The following GPR158 variants were observed in gnomAD, a reference collection of about 807,000 sequenced individuals.
The protein encoded by GPR158 is G protein-coupled receptor 158.
In GPR158, 30 loss-of-function variants were observed where a neutral mutation model predicts 78.2. That is an observed-to-expected ratio of 0.38 (90% confidence interval 0.29 to 0.52). The LOEUF is 0.52. GPR158 is among the 20% of genes least tolerant of loss of function. The pLI, the probability that GPR158 is intolerant of heterozygous loss-of-function variation, is 0.83. For synonymous variants in GPR158, 581 were observed against 591.1 expected, an observed-to-expected ratio of 0.98 and a Z score of 0.25; for missense variants, 1,463 against 1,523.5, an observed-to-expected ratio of 0.96 and a Z score of 0.66.
intron 5 of GPR158, among the ~76,000 whole-genome samples, chr10:25,470,857 C>CT (rs1286144066): frequency 3.9e-5 from 6 of 151,970 alleles, no homozygotes; most frequent in African/African-American, 9.7e-5. Flanking sequence ...CTACTATAAT[C>CT]TTTTTTTTGA....
chr10:25,338,521 G>A (rs528420848), intron 2 of GPR158, among the ~76,000 whole-genome samples: 20 of 85,606 alleles, frequency 2.3e-4, no homozygotes, highest in African/African-American at 5.7e-4. Context: ...TATAATATAC[G>A]TATATTACGT....
At chr10:25,595,904 A>T (rs1231061201) in intron 9 of GPR158, among the ~76,000 whole-genome samples, 2 of 152,232 alleles carry the variant, frequency 1.3e-5, no homozygotes, top group Non-Finnish European at 2.9e-5. Flanking sequence ...ATTCTATCTC[A>T]ATAAAAAGAG....
At chr10:25,445,349 G>A (rs1835126684) in intron 4 of GPR158, among the ~76,000 whole-genome samples, 1 of 152,160 alleles carries the variant, frequency 6.6e-6, no homozygotes, top group Non-Finnish European at 1.5e-5. Flanking sequence ...TTCAAAGAAA[G>A]TCACTGGCTG....
chr10:25,305,310 C>T (rs1468602612), intron 2 of GPR158, among the ~76,000 whole-genome samples: 1 of 152,142 alleles, frequency 6.6e-6, no homozygotes, highest in East Asian at 1.9e-4. Flanking sequence ...TTCAGTAGTT[C>T]ATTCATCAGT....
chr10:25,366,478 A>G (rs1316235676), intron 2 of GPR158, among the ~76,000 whole-genome samples: 4 of 151,700 alleles, frequency 2.6e-5, no homozygotes, highest in African/African-American at 4.8e-5. Context: ...GGTTTACAAC[A>G]TGGTATTTTG....
intron 4 of GPR158, among the ~76,000 whole-genome samples, chr10:25,419,169 C>G (rs1834711726): frequency 6.6e-6 from 1 of 151,882 alleles, no homozygotes; most frequent in African/African-American, 2.4e-5. Flanking sequence ...TTTTTCTATC[C>G]CTTGGTAACC....
intron 2 of GPR158, among the ~76,000 whole-genome samples, chr10:25,347,360 A>C (rs1290393023): frequency 6.6e-6 from 1 of 151,970 alleles, no homozygotes; most frequent in Admixed American, 6.6e-5. Context: ...GACACATGTG[A>C]TTAGCTCAGA....
intron 1 of GPR158, among the ~76,000 whole-genome samples, chr10:25,211,627 G>C (rs1853132084): frequency 6.6e-6 from 1 of 152,184 alleles, no homozygotes; most frequent in African/African-American, 2.4e-5. Flanking sequence ...TGGGGATGAA[G>C]TTCCTAACAC....
chr10:25,219,896 G>A (rs2130681297), intron 1 of GPR158, among the ~76,000 whole-genome samples: 1 of 152,236 alleles, frequency 6.6e-6, no homozygotes, highest in Non-Finnish European at 1.5e-5. Context: ...AAAGCATAAT[G>A]TTTGGTTTTC....
intron 2 of GPR158, among the ~76,000 whole-genome samples, chr10:25,313,494 TAAAAA>T (rs150687213): frequency 6.8e-6 from 1 of 147,118 alleles, no homozygotes; most frequent in South Asian, 2.1e-4. Flanking sequence ...AATCAATGGG[TAAAAA>T]AAAAAAATAT....
intron 2 of GPR158, among the ~76,000 whole-genome samples, chr10:25,387,108 G>T (rs1341631553): frequency 6.6e-6 from 1 of 152,090 alleles, no homozygotes; most frequent in Non-Finnish European, 1.5e-5. Context: ...GTTATCTGTG[G>T]TTTTTCATGT....
At chr10:25,309,588 G>A (rs1854734219) in intron 2 of GPR158, among the ~76,000 whole-genome samples, 1 of 152,068 alleles carries the variant, frequency 6.6e-6, no homozygotes, top group Admixed American at 6.6e-5. Context: ...TACCTTTACA[G>A]CTTTTGATAT....
At chr10:25,573,455 G>A (rs1837041411) in intron 7 of GPR158, among the ~76,000 whole-genome samples, 1 of 152,234 alleles carries the variant, frequency 6.6e-6, no homozygotes, top group South Asian at 2.1e-4. Context: ...CATGAGTGTA[G>A]TAAGTGCTAC....
chr10:25,240,329 CA>C (rs1269089103), intron 2 of GPR158, among the ~76,000 whole-genome samples: 2 of 152,092 alleles, frequency 1.3e-5, no homozygotes, highest in Non-Finnish European at 2.9e-5. Flanking sequence ...GCCAACATGG[CA>C]AAACCCTGTC....
chr10:25,561,446 GCTT>G (rs1349576119), intron 6 of GPR158, among the ~76,000 whole-genome samples: 3 of 152,262 alleles, frequency 2.0e-5, no homozygotes, highest in East Asian at 3.9e-4. Context: ...GAATAATCTG[GCTT>G]CTTCTTGATC....
At chr10:25,325,467 T>G (rs1855016663) in intron 2 of GPR158, among the ~76,000 whole-genome samples, 1 of 77,996 alleles carries the variant, frequency 1.3e-5, no homozygotes, top group Non-Finnish European at 3.5e-5. Context: ...ATATATATAA[T>G]TACACACACA....
intron 2 of GPR158, among the ~76,000 whole-genome samples, chr10:25,279,063 T>C (rs564149233): frequency 1.3e-5 from 2 of 151,676 alleles, no homozygotes; most frequent in African/African-American, 2.4e-5. Context: ...TCCTAAGATA[T>C]AAAAAAAATA....
At chr10:25,423,245 G>C (rs1834778535) in intron 4 of GPR158, among the ~76,000 whole-genome samples, 1 of 151,430 alleles carries the variant, frequency 6.6e-6, no homozygotes. Context: ...ATGGACATTT[G>C]GGCTGATTCC....
chr10:25,337,644 AG>A (rs1855228917), intron 2 of GPR158, among the ~76,000 whole-genome samples: 1 of 152,024 alleles, frequency 6.6e-6, no homozygotes, highest in Non-Finnish European at 1.5e-5. Context: ...ATTTCTGTTG[AG>A]TAAATGCTTA....
Sources: gnomAD v4.1 joint callset for allele counts (sites outside exome capture counted in the v4.1 genomes callset) on GRCh38, gnomAD v4.1.1 for gene constraint, MANE v1.5 for transcripts, NCBI Gene and HGNC (gene_info 2026-07-23, HGNC 2026-07-21) for gene names.